Variants in SHC4 observed in about 807,000 individuals in gnomAD.
SHC4 encodes the protein SHC adaptor protein 4.
SHC4 carries 41 observed loss-of-function variants against 69.4 expected under a neutral mutation model. That is an observed-to-expected ratio of 0.59 (90% CI 0.46 to 0.77). The LOEUF is 0.77. SHC4 is among the 30% of genes least tolerant of loss of function. The probability of loss-of-function intolerance (pLI) is 0.00; values close to 1 mark genes in which losing one functional copy is unlikely to be tolerated. For missense variants in SHC4, 777 were observed against 783.8 expected (o/e 0.99, Z 0.10); for synonymous variants, 318 against 299.3 (o/e 1.06, Z -0.64).
chr15:48,906,107 C>T (rs1303938940), intron 2 of SHC4, among the ~76,000 whole-genome samples: 1 of 152,150 alleles, frequency 6.6e-6, no homozygotes, highest in Non-Finnish European at 1.5e-5. Flanking sequence ...ATATCTAAAA[C>T]TCTAAAACAA....
chr15:48,944,257 A>G (rs971806099), intron 1 of SHC4, among the ~76,000 whole-genome samples: 2 of 151,732 alleles, frequency 1.3e-5, no homozygotes, highest in Non-Finnish European at 2.9e-5. Flanking sequence ...TGGGTGCCCT[A>G]CCTACATCTT....
At chr15:48,830,423 A>G (rs1057325390) in intron 11 of SHC4, among the ~76,000 whole-genome samples, 2 of 152,238 alleles carry the variant, frequency 1.3e-5, no homozygotes, top group South Asian at 4.1e-4. Context: ...GTTGCATAAT[A>G]ACATTTTGGT....
intron 4 of SHC4, chr15:48,880,025 T>A (rs1237969681): frequency 6.0e-6 from 1 of 167,092 alleles, no homozygotes; most frequent in Non-Finnish European, 1.5e-5. Context: ...GTTACCTTAC[T>A]AAGATGCTGA....
At chr15:48,915,808 T>C (rs966671791) in intron 2 of SHC4, among the ~76,000 whole-genome samples, 4 of 152,196 alleles carry the variant, frequency 2.6e-5, no homozygotes, top group Admixed American at 1.3e-4. Flanking sequence ...TCACTATAAA[T>C]TAGAACTTTA....
chr15:48,925,204 G>A (rs1055739268), intron 1 of SHC4, among the ~76,000 whole-genome samples: 10 of 152,296 alleles, frequency 6.6e-5, no homozygotes, highest in Middle Eastern at 3.4e-3. Flanking sequence ...TGGGTTCAGT[G>A]GTTAAGATCA....
At chr15:48,865,771 A>G (rs1328181223) in intron 6 of SHC4, among the ~76,000 whole-genome samples, 1 of 152,144 alleles carries the variant, frequency 6.6e-6, no homozygotes, top group African/African-American at 2.4e-5. Flanking sequence ...AGTTCACATG[A>G]ATGCCTTCTC....
chr15:48,845,498 T>C (rs1156635091), intron 9 of SHC4, among the ~76,000 whole-genome samples: 2 of 152,242 alleles, frequency 1.3e-5, no homozygotes, highest in African/African-American at 4.8e-5. Flanking sequence ...AGTGGATTTA[T>C]AAGTTATATT....
chr15:48,928,665 G>T (rs540166593), intron 1 of SHC4, among the ~76,000 whole-genome samples: 23 of 152,228 alleles, frequency 1.5e-4, no homozygotes, highest in African/African-American at 4.8e-4. Flanking sequence ...ACACTTCATG[G>T]TTATAACCAC....
At chr15:48,835,784 A>C (rs997059127) in intron 10 of SHC4, among the ~76,000 whole-genome samples, 6 of 152,200 alleles carry the variant, frequency 3.9e-5, no homozygotes, top group African/African-American at 1.2e-4. Flanking sequence ...GATAATAGTT[A>C]CTGCGTAGTT....
intron 1 of SHC4, among the ~76,000 whole-genome samples, chr15:48,959,571 T>G (rs921743199): frequency 6.6e-6 from 1 of 152,184 alleles, no homozygotes; most frequent in African/African-American, 2.4e-5. Flanking sequence ...TCCTGTAAAC[T>G]TTGCCCCTAA....
chr15:48,884,411 T>C, intron 3 of SHC4, 44 bp from the exon 4 acceptor site: 2 of 1,521,872 alleles, frequency 1.3e-6, no homozygotes, highest in South Asian at 1.3e-5. Flanking sequence ...TTAGGAATTT[T>C]GTTACAGAAT....
At chr15:48,921,607 A>G (rs1432663763) in intron 2 of SHC4, among the ~76,000 whole-genome samples, 1 of 152,164 alleles carries the variant, frequency 6.6e-6, no homozygotes, top group African/African-American at 2.4e-5. Flanking sequence ...TGCTGGGATT[A>G]CAGGCGTGAG....
rs398027192 is a variant in SHC4, at chr15:48,856,773, T to TAAA, written c.1071-652_1071-650dup. Among the ~76,000 whole-genome samples, 1,158 of 116,020 alleles carry TAAA rather than the reference T, an allele frequency of 1.0e-2. 14 individuals carry two copies. The highest frequency in any genetic ancestry group is 0.034 in the African/African-American group (1,114 of 32,548). 76.1% of individuals were successfully genotyped at this position (116,020 alleles called of 152,430 possible). A position where few individuals can be genotyped will look rare whatever the true frequency, so the allele number is the denominator to read the frequency against. On this transcript the variant is annotated intron_variant, in intron 7 of 11. Transcript: ENST00000332408. Reference sequence around the variant, plus strand: ...ATTGGAATCAGGGAAAGTTTCTTACTAAAAAAAAAAAAAAAAACAAGAATA... The same window carrying TAAA: ...ATTGGAATCAGGGAAAGTTTCTTACTAAAAAAAAAAAAAAAAAAAACAAGAATA...
intron 1 of SHC4, among the ~76,000 whole-genome samples, chr15:48,926,004 T>G (rs948728630): frequency 6.6e-6 from 1 of 152,124 alleles, no homozygotes; most frequent in Non-Finnish European, 1.5e-5. Flanking sequence ...GGAACAGTGA[T>G]GCCATCAACA....
rs746364945 is a variant in SHC4, at chr15:48,962,550, T to C, written c.466A>G (p.Thr156Ala). Residue 156 changes from threonine (T) to alanine (A), a missense_variant, in exon 1 of 12, where the codon ACC (threonine) becomes GCC (alanine). Transcript: ENST00000332408. ...GGGCACGAATCAGGGGTTAGGGCGGTTGCCCTGTGTCCCACCAGGTCCTGC... is the reference window on the plus strand; with the variant it reads ...GGGCACGAATCAGGGGTTAGGGCGGCTGCCCTGTGTCCCACCAGGTCCTGC... ...PQQDLVGHRA[T>A]ALTPDSCPLP... 1.2e-6 allele frequency: 2 copies of C among 1,608,470 alleles called. No homozygotes were observed. The highest frequency in any genetic ancestry group is 2.2e-5 in the South Asian group (2 of 90,312).
intron 1 of SHC4, among the ~76,000 whole-genome samples, chr15:48,955,060 T>C (rs187867310): frequency 6.6e-6 from 1 of 152,276 alleles, no homozygotes; most frequent in African/African-American, 2.4e-5. Context: ...ATTGTTACAA[T>C]GAGAAAAAGC....
At chr15:48,862,378 G>A (rs1035432661) in intron 6 of SHC4, among the ~76,000 whole-genome samples, 1 of 152,110 alleles carries the variant, frequency 6.6e-6, no homozygotes, top group African/African-American at 2.4e-5. Flanking sequence ...TACAGAAGCA[G>A]GGTGTATTAA....
intron 2 of SHC4, among the ~76,000 whole-genome samples, chr15:48,917,278 T>C (rs911358293): frequency 6.8e-6 from 1 of 147,062 alleles, no homozygotes; most frequent in Non-Finnish European, 1.5e-5. Flanking sequence ...TGTGTGTGTG[T>C]GTGTGTGTGT....
In SHC4 at chr15:48,824,956, A is replaced by G. The variant is rs1898657500; in HGVS notation, c.*1015T>C. The G allele has an allele frequency of 6.6e-6, 1 of 152,156 alleles. No homozygotes were observed. Among genetic ancestry groups the G allele is most frequent in the Non-Finnish European group, 1.5e-5 (1 of 67,992 alleles). The allele number at this position is 152,156 out of a possible 1,614,324, so 9.4% of individuals were successfully genotyped here. ...TTTTTTTCCTTCTGCATTTTGTCTGATCATATCTATACGAGGTGCTAAGGA... is the reference window on the plus strand; with the variant it reads ...TTTTTTTCCTTCTGCATTTTGTCTGGTCATATCTATACGAGGTGCTAAGGA... On this transcript the variant is annotated 3_prime_UTR_variant, in exon 12 of 12. Coordinates refer to ENST00000332408, the MANE Select transcript of SHC4 (RefSeq NM_203349.4).
Sources: allele counts gnomAD v4.1 joint callset (sites outside exome capture counted in the v4.1 genomes callset), GRCh38; gene constraint gnomAD v4.1.1; transcripts MANE v1.5; gene names NCBI Gene and HGNC (gene_info 2026-07-23, HGNC 2026-07-21).